FAM107B: variants seen among roughly 807,000 people sequenced by gnomAD.
FAM107B encodes family with sequence similarity 107 member B, also known as protein FAM107B.
In FAM107B, 21 loss-of-function variants were observed where a neutral mutation model predicts 31.5. That is an observed-to-expected ratio of 0.67 (90% confidence interval 0.47 to 0.96). FAM107B has a LOEUF of 0.96. Among genes scored for constraint, FAM107B ranks in the 40% least tolerant of loss-of-function variants. The pLI is 0.00. For synonymous variants in FAM107B, 157 were observed against 141.5 expected, an observed-to-expected ratio of 1.11 and a Z score of -0.78; for missense variants, 452 against 377.1, an observed-to-expected ratio of 1.20 and a Z score of -1.64.
Position 14,739,850 on chromosome 10 carries a change from G to A in FAM107B, c.411+34403C>T, listed in dbSNP as rs544244568. 1.5e-3 allele frequency among the ~76,000 whole-genome samples: 224 copies of A among 152,274 alleles called. 2 individuals carry two copies. In the South Asian group the frequency reaches 0.041, roughly 28 times the overall value. ...AGCTGGCCCAGGGGAAAGAAAAGCC[G>A]AGACACAGAAGGAGCAAGACAGAGT... On this transcript the variant is annotated intron_variant, in intron 1 of 4. Transcript: ENST00000181796.
intron 2 of FAM107B, chr10:14,548,419 G>C: frequency 2.0e-6 from 2 of 985,674 alleles, no homozygotes; most frequent in Non-Finnish European, 2.4e-6. Flanking sequence ...GTGAGGGTGC[G>C]TGGGGCGTAG....
intron 2 of FAM107B, among the ~76,000 whole-genome samples, chr10:14,531,837 C>T (rs981638042): frequency 6.6e-6 from 1 of 151,986 alleles, no homozygotes; most frequent in Non-Finnish European, 1.5e-5. Context: ...CTGTCTCAAA[C>T]AAAACAAAAT....
rs189071265 is a variant in FAM107B at position 14,620,299 on chromosome 10, G to A, written c.469+47335C>T. ...CCCAAAGTGCTGGGATTACAGGCAT[G>A]AGCCACCGCGCTTGGCCTATTTCTG... On this transcript the variant is annotated intron_variant, in intron 2 of 4. Coordinates refer to ENST00000181796, the MANE Select transcript of FAM107B (RefSeq NM_031453.4). 2.5e-4 allele frequency among the ~76,000 whole-genome samples: 38 copies of A among 152,248 alleles called. 1 individual carries two copies. Among genetic ancestry groups the A allele is most frequent in the African/African-American group, 7.5e-4 (31 of 41,536 alleles).
chr10:14,763,720 C>A (rs1405346890), intron 1 of FAM107B, among the ~76,000 whole-genome samples: 1 of 152,182 alleles, frequency 6.6e-6, no homozygotes, highest in Non-Finnish European at 1.5e-5. Flanking sequence ...AGGATCTAAG[C>A]CACTGGTGAC....
At chr10:14,560,586 G>A (rs913721238) in intron 2 of FAM107B, among the ~76,000 whole-genome samples, 1 of 152,196 alleles carries the variant, frequency 6.6e-6, no homozygotes. Context: ...CTGAGCAGTC[G>A]ATGGAAGGCT....
intron 1 of FAM107B, among the ~76,000 whole-genome samples, chr10:14,755,919 G>C (rs1832921338): frequency 6.6e-6 from 1 of 152,146 alleles, no homozygotes; most frequent in Admixed American, 6.5e-5. Flanking sequence ...ACGTTGGTGG[G>C]GGACTAAAGC....
chr10:14,698,948 G>A (rs1165453459), intron 1 of FAM107B, among the ~76,000 whole-genome samples: 3 of 152,170 alleles, frequency 2.0e-5, no homozygotes, highest in South Asian at 2.1e-4. Flanking sequence ...CACATGCCAC[G>A]TGCTGTGGGG....
chr10:14,527,202 T>A (rs1010502559), intron 3 of FAM107B, among the ~76,000 whole-genome samples: 5 of 150,922 alleles, frequency 3.3e-5, no homozygotes, highest in African/African-American at 1.2e-4. Context: ...AAAAAAAGCC[T>A]TTTGAAATCT....
At chr10:14,690,334 C>T (rs1403495639) in intron 1 of FAM107B, among the ~76,000 whole-genome samples, 3 of 152,242 alleles carry the variant, frequency 2.0e-5, no homozygotes, top group Admixed American at 2.0e-4. Flanking sequence ...TTTCCTGTTT[C>T]TGCTTCCTCC....
intron 2 of FAM107B, among the ~76,000 whole-genome samples, chr10:14,564,579 A>G (rs1176938492): frequency 2.0e-5 from 3 of 152,028 alleles, no homozygotes; most frequent in Non-Finnish European, 2.9e-5. Flanking sequence ...TTCAGATGAC[A>G]GTATCTGAAA....
In FAM107B at chr10:14,624,333, C is replaced by T. The variant is rs561396125; in HGVS notation, c.469+43301G>A. On this transcript the variant is annotated intron_variant, in intron 2 of 4. Transcript: ENST00000181796. The stretch of plus-strand genomic sequence containing the variant: ...GGCCAAGCCAGTTTCCACTGGGTCA[C>T]GGCTTTGTCTATCCTGCCCCATCTC... 1.1e-4 allele frequency among the ~76,000 whole-genome samples: 16 copies of T among 152,294 alleles called. No individual in the cohort carries two copies. In the South Asian group the frequency reaches 2.1e-3, roughly 20 times the overall value.
chr10:14,664,035 C>T (rs1364996532), intron 2 of FAM107B, among the ~76,000 whole-genome samples: 1 of 152,202 alleles, frequency 6.6e-6, no homozygotes, highest in East Asian at 1.9e-4. Context: ...TCCTTCAAGG[C>T]CCAGCTCTTA....
chr10:14,631,062 AC>A, intron 2 of FAM107B, among the ~76,000 whole-genome samples: 1 of 152,098 alleles, frequency 6.6e-6, no homozygotes, highest in East Asian at 1.9e-4. Context: ...TGTCATCTAA[AC>A]CCTGCCTCTC....
chr10:14,614,235 G>T (rs752763065), intron 2 of FAM107B, among the ~76,000 whole-genome samples: 2 of 152,152 alleles, frequency 1.3e-5, no homozygotes, highest in Non-Finnish European at 2.9e-5. Context: ...GCTCTTAGAG[G>T]CTCTGAGCAC....
chr10:14,710,336 A>G (rs1207058489), intron 1 of FAM107B, among the ~76,000 whole-genome samples: 1 of 152,058 alleles, frequency 6.6e-6, no homozygotes, highest in Non-Finnish European at 1.5e-5. Flanking sequence ...GCTTGAGCCC[A>G]GGAGGTTGAG....
Position 14,535,879 on chromosome 10 carries a change from G to A in FAM107B, c.470-5364C>T, listed in dbSNP as rs145616259. Among the ~76,000 whole-genome samples the A allele has an allele frequency of 4.6e-3, 700 of 152,340 alleles. 5 individuals are homozygous for A. The highest frequency in any genetic ancestry group is 0.015 in the African/African-American group (634 of 41,572). On this transcript the variant is annotated intron_variant, in intron 2 of 4. Coordinates refer to ENST00000181796, the MANE Select transcript of FAM107B (RefSeq NM_031453.4). The stretch of plus-strand genomic sequence containing the variant: ...TTGACTCTACTATCCCAGAGCACTG[G>A]GAAATCCCATGCTTACAGATGGATT...
intron 1 of FAM107B, among the ~76,000 whole-genome samples, chr10:14,760,788 G>A (rs1833027138): frequency 6.6e-6 from 1 of 152,034 alleles, no homozygotes; most frequent in South Asian, 2.1e-4. Context: ...CAGGTGGGCG[G>A]ATCACTTGAG....
chr10:14,761,356 A>G (rs886497049), intron 1 of FAM107B, among the ~76,000 whole-genome samples: 6 of 152,230 alleles, frequency 3.9e-5, no homozygotes, highest in Admixed American at 1.3e-4. Context: ...AGAGCATTTA[A>G]TATTTATCTC....
chr10:14,609,951 C>T (rs1852686113), intron 2 of FAM107B, among the ~76,000 whole-genome samples: 1 of 152,166 alleles, frequency 6.6e-6, no homozygotes, highest in African/African-American at 2.4e-5. Context: ...TGAGTAATAA[C>T]CGAATTCCCA....
Sources: allele counts gnomAD v4.1 joint callset (sites outside exome capture counted in the v4.1 genomes callset), GRCh38; gene constraint gnomAD v4.1.1; transcripts MANE v1.5; gene names NCBI Gene and HGNC (gene_info 2026-07-23, HGNC 2026-07-21).